GLI3: variants seen among roughly 807,000 people sequenced by gnomAD.
The protein encoded by GLI3 is transcription activator GLI3.
In GLI3, 20 loss-of-function variants were observed where a neutral mutation model predicts 100.8. That is an observed-to-expected ratio of 0.20 (90% CI 0.14 to 0.29). The LOEUF (loss-of-function observed/expected upper bound fraction) is 0.29. Ranked by LOEUF, GLI3 falls within the 10% of genes least tolerant of loss-of-function variation. GLI3 has a pLI of 1.00. For missense variants in GLI3, 2,040 were observed against 2,128.5 expected (o/e 0.96, Z 0.82); for synonymous variants, 938 against 860.5 (o/e 1.09, Z -1.58).
intron 2 of GLI3, among the ~76,000 whole-genome samples, chr7:42,180,943 C>G (rs1170117378): frequency 6.6e-6 from 1 of 152,166 alleles, no homozygotes; most frequent in Non-Finnish European, 1.5e-5. Flanking sequence ...ATCGTTCACC[C>G]AGTATCTGGA....
intron 10 of GLI3, among the ~76,000 whole-genome samples, chr7:41,987,667 G>A (rs1051374831): frequency 1.3e-5 from 2 of 152,128 alleles, no homozygotes; most frequent in East Asian, 1.9e-4. Context: ...AACATCATAC[G>A]CTAACATCAG....
At chr7:42,077,644 G>A (rs1433026241) in intron 3 of GLI3, among the ~76,000 whole-genome samples, 3 of 151,578 alleles carry the variant, frequency 2.0e-5, no homozygotes, top group African/African-American at 7.3e-5. Flanking sequence ...CTGAGCTGCT[G>A]GGTGTGTGCT....
intron 4 of GLI3, among the ~76,000 whole-genome samples, chr7:42,049,221 G>A (rs1248301782): frequency 6.6e-6 from 1 of 152,242 alleles, no homozygotes; most frequent in East Asian, 1.9e-4. Flanking sequence ...GCACATGGCA[G>A]AGCTGTCCGT....
Position 42,011,465 on chromosome 7 carries a change from T to A in GLI3, c.1497+12003A>T, listed in dbSNP as rs960920833. ...GTTCAAGCATGAACTTGTAAATGAA[T>A]GTTCATAGTAACACAATAGCCAGAA... is the stretch of plus-strand genomic sequence containing the variant. On this transcript the variant is annotated intron_variant, in intron 10 of 14. Coordinates refer to ENST00000395925, the MANE Select transcript of GLI3 (RefSeq NM_000168.6). Among the ~76,000 whole-genome samples, 7 of 152,326 alleles carry A rather than the reference T, an allele frequency of 4.6e-5. No individual in the cohort carries two copies. In the East Asian group the frequency reaches 1.4e-3, roughly 29 times the overall value.
chr7:42,016,265 G>C (rs1284079560), intron 10 of GLI3, among the ~76,000 whole-genome samples: 1 of 152,188 alleles, frequency 6.6e-6, no homozygotes, highest in African/African-American at 2.4e-5. Context: ...GCACAAGGAA[G>C]AACCTGCAAT....
At chr7:42,169,847 T>C (rs991000098) in intron 2 of GLI3, among the ~76,000 whole-genome samples, 8 of 152,238 alleles carry the variant, frequency 5.3e-5, no homozygotes, top group South Asian at 4.1e-4. Flanking sequence ...TTACTTCTTA[T>C]TACTTCTTAT....
chr7:42,181,622 C>CAACAAA (rs1287959395), intron 2 of GLI3, among the ~76,000 whole-genome samples: 1 of 152,010 alleles, frequency 6.6e-6, no homozygotes, highest in Non-Finnish European at 1.5e-5. Context: ...AACAAAAAAA[C>CAACAAA]AACAAAAACA....
chr7:42,188,002 C>CAAAAAAAAAAAAAAA (rs56140906), intron 2 of GLI3, among the ~76,000 whole-genome samples: 3 of 85,284 alleles, frequency 3.5e-5, no homozygotes, highest in Non-Finnish European at 4.4e-5. Flanking sequence ...GACTCCATCT[C>CAAAAAAAAAAAAAAA]AAAAAAAAAA....
chr7:42,050,476 G>A (rs10239261), intron 4 of GLI3, among the ~76,000 whole-genome samples: 9,542 of 152,260 alleles, frequency 0.063, 434 homozygotes, highest in Non-Finnish European at 0.097. Context: ...AGACGTGTCC[G>A]CCATTGGTTA....
chr7:42,185,751 T>C (rs1787704868), intron 2 of GLI3, among the ~76,000 whole-genome samples: 1 of 152,238 alleles, frequency 6.6e-6, no homozygotes, highest in African/African-American at 2.4e-5. Context: ...GTATCAAGGA[T>C]GAAAGATTGT....
chr7:42,148,851 T>C (rs754594893), intron 2 of GLI3, among the ~76,000 whole-genome samples: 14 of 152,196 alleles, frequency 9.2e-5, no homozygotes, highest in Non-Finnish European at 1.5e-4. Flanking sequence ...AGACTGTGCA[T>C]GTCCAGCTTC....
intron 2 of GLI3, among the ~76,000 whole-genome samples, chr7:42,153,291 C>T (rs1013601776): frequency 1.5e-4 from 23 of 152,130 alleles, no homozygotes; most frequent in Non-Finnish European, 5.9e-5. Flanking sequence ...TCTGGTATTT[C>T]GGAATACTTC....
At position 41,992,557 on chromosome 7, in the gene GLI3, A is replaced by G. The variant is rs140719415; in HGVS notation, c.1498-13809T>C. On this transcript the variant is annotated intron_variant, in intron 10 of 14. Transcript: ENST00000395925. The stretch of plus-strand genomic sequence containing the variant: ...CTAAAAAACACCTACACAGTATTTT[A>G]AAGATTTCACAAAGCCCAATTTGAA... Among the ~76,000 whole-genome samples, 349 of 152,354 alleles carry G rather than the reference A, an allele frequency of 2.3e-3. 1 individual carries two copies. Among genetic ancestry groups the G allele is most frequent in the African/African-American group, 7.9e-3 (328 of 41,578 alleles).
At chr7:42,069,810 A>C (rs1028985800) in intron 4 of GLI3, among the ~76,000 whole-genome samples, 11 of 152,218 alleles carry the variant, frequency 7.2e-5, no homozygotes, top group African/African-American at 2.2e-4. Context: ...TAAATAAGGA[A>C]TGTCACTGTG....
intron 10 of GLI3, among the ~76,000 whole-genome samples, chr7:41,985,443 G>C (rs1787793311): frequency 6.6e-6 from 1 of 152,050 alleles, no homozygotes; most frequent in Non-Finnish European, 1.5e-5. Flanking sequence ...ACTATTTCAA[G>C]TAAGCTCAAT....
At chr7:42,205,626 C>T (rs1225397832) in intron 2 of GLI3, among the ~76,000 whole-genome samples, 6 of 152,206 alleles carry the variant, frequency 3.9e-5, no homozygotes, top group East Asian at 1.9e-4. Flanking sequence ...GAGTACTCAT[C>T]AACGTACCTG....
intron 10 of GLI3, among the ~76,000 whole-genome samples, chr7:42,011,966 T>C (rs894348960): frequency 1.3e-5 from 2 of 152,170 alleles, no homozygotes; most frequent in Non-Finnish European, 2.9e-5. Context: ...GCCCAGTGAG[T>C]ACACTGGCCA....
At chr7:42,156,381 G>T (rs1411449447) in intron 2 of GLI3, among the ~76,000 whole-genome samples, 4 of 152,120 alleles carry the variant, frequency 2.6e-5, no homozygotes, top group Admixed American at 6.5e-5. Flanking sequence ...TCCCTGGAGG[G>T]TCAAAAATTT....
In GLI3 at chr7:42,045,545, G is replaced by C. The variant is rs958617294; in HGVS notation, c.680-15C>G. The C allele has an allele frequency of 6.2e-7, 1 of 1,613,412 alleles. No individual in the cohort carries two copies. The highest frequency in any genetic ancestry group is 1.3e-5 in the African/African-American group (1 of 75,040). On this transcript the variant is annotated splice_polypyrimidine_tract_variant and intron_variant, in intron 5 of 14. Transcript: ENST00000395925. ...TGCATGGGGCGCTAGGAGGAGACAA[G>C]AGATGTATGGTTACTAGCGAAAGAA...
Sources: allele counts gnomAD v4.1 joint callset (sites outside exome capture counted in the v4.1 genomes callset), GRCh38; gene constraint gnomAD v4.1.1; transcripts MANE v1.5; gene names NCBI Gene and HGNC (gene_info 2026-07-23, HGNC 2026-07-21).